DPP10: variants seen among roughly 807,000 people sequenced by gnomAD.
The protein encoded by DPP10 is dipeptidyl peptidase like 10.
In DPP10, 33 loss-of-function variants were observed where a neutral mutation model predicts 120.9. The observed-to-expected ratio is 0.27, with a 90% CI of 0.21 to 0.37. The LOEUF is 0.37. DPP10 is among the 10% of genes least tolerant of loss of function. The probability of loss-of-function intolerance (pLI) is 1.00; values close to 1 mark genes in which losing one functional copy is unlikely to be tolerated. For synonymous variants in DPP10, 337 were observed against 326.1 expected (o/e 1.03, Z -0.36); for missense variants, 816 against 942.8 (o/e 0.87, Z 1.76).
At chr2:115,040,236 A>C (rs1182310361) in intron 1 of DPP10, among the ~76,000 whole-genome samples, 1 of 151,896 alleles carries the variant, frequency 6.6e-6, no homozygotes, top group Non-Finnish European at 1.5e-5. Context: ...CCATATCACC[A>C]GGTGATCACA....
chr2:114,536,598 G>A (rs1558857537), intron 1 of DPP10, among the ~76,000 whole-genome samples: 6 of 151,748 alleles, frequency 4.0e-5, no homozygotes, highest in Admixed American at 3.3e-4. Context: ...GTAGAGACAG[G>A]TTTTCACCGT....
At chr2:114,468,182 G>A (rs1417061302) in intron 1 of DPP10, among the ~76,000 whole-genome samples, 1 of 152,024 alleles carries the variant, frequency 6.6e-6, no homozygotes, top group African/African-American at 2.4e-5. Context: ...AAAACTAAGA[G>A]GTTCAGTTAC....
intron 1 of DPP10, among the ~76,000 whole-genome samples, chr2:115,063,752 A>C (rs897733341): frequency 1.3e-5 from 2 of 152,202 alleles, no homozygotes; most frequent in Non-Finnish European, 2.9e-5. Flanking sequence ...CTTACACCTT[A>C]TACAAAAATT....
chr2:115,420,141 T>A (rs1363999392), intron 3 of DPP10, among the ~76,000 whole-genome samples: 1 of 152,194 alleles, frequency 6.6e-6, no homozygotes, highest in Non-Finnish European at 1.5e-5. Flanking sequence ...CCTGTCCTGC[T>A]GATCATGCAT....
At chr2:115,245,904 T>C (rs935796490) in intron 1 of DPP10, among the ~76,000 whole-genome samples, 1 of 152,140 alleles carries the variant, frequency 6.6e-6, no homozygotes, top group African/African-American at 2.4e-5. Flanking sequence ...CCAAAAAATA[T>C]ATTATTTCAG....
At chr2:115,749,089 T>C (rs1357545875) in intron 10 of DPP10, among the ~76,000 whole-genome samples, 1 of 152,212 alleles carries the variant, frequency 6.6e-6, no homozygotes, top group Non-Finnish European at 1.5e-5. Context: ...GGGAGTTGGA[T>C]GGGTTATCTC....
At chr2:115,319,565 C>A (rs2061959649) in intron 2 of DPP10, among the ~76,000 whole-genome samples, 1 of 152,104 alleles carries the variant, frequency 6.6e-6, no homozygotes, top group Non-Finnish European at 1.5e-5. Flanking sequence ...GTAACTTACT[C>A]ATTATAGGTC....
intron 1 of DPP10, among the ~76,000 whole-genome samples, chr2:115,237,303 A>G (rs776929740): frequency 3.3e-5 from 5 of 152,094 alleles, no homozygotes; most frequent in African/African-American, 4.8e-5. Context: ...TTACTCTCAT[A>G]ATTCTTTTGG....
At chr2:115,508,188 A>C (rs1044297462) in intron 4 of DPP10, among the ~76,000 whole-genome samples, 1 of 152,174 alleles carries the variant, frequency 6.6e-6, no homozygotes, top group Non-Finnish European at 1.5e-5. Flanking sequence ...AAATTAACAA[A>C]TTTATAATAA....
chr2:115,401,410 C>T (rs2068063115), intron 3 of DPP10, among the ~76,000 whole-genome samples: 1 of 151,996 alleles, frequency 6.6e-6, no homozygotes, highest in Non-Finnish European at 1.5e-5. Flanking sequence ...AGAAGTCTTT[C>T]CCTGCAAAAA....
intron 1 of DPP10, among the ~76,000 whole-genome samples, chr2:114,676,118 T>C (rs1231220918): frequency 2.0e-5 from 3 of 152,118 alleles, no homozygotes; most frequent in African/African-American, 7.2e-5. Context: ...AGAATGCTTA[T>C]TAACTGTATC....
At chr2:115,386,466 A>C (rs562948771) in intron 3 of DPP10, among the ~76,000 whole-genome samples, 1 of 151,522 alleles carries the variant, frequency 6.6e-6, no homozygotes, top group East Asian at 2.0e-4. Context: ...TAGCAAAACA[A>C]TCATTGTTGT....
At chr2:114,534,206 T>G (rs939615271) in intron 1 of DPP10, among the ~76,000 whole-genome samples, 1 of 152,180 alleles carries the variant, frequency 6.6e-6, no homozygotes, top group African/African-American at 2.4e-5. Flanking sequence ...CATTACCCTA[T>G]CCCTCTGAGA....
intron 21 of DPP10, among the ~76,000 whole-genome samples, chr2:115,825,331 A>C (rs1299005150): frequency 1.3e-5 from 2 of 152,112 alleles, no homozygotes. Flanking sequence ...CCATTCACTC[A>C]ATCTCTCCCA....
intron 1 of DPP10, among the ~76,000 whole-genome samples, chr2:114,825,994 A>G (rs2106375317): frequency 6.6e-6 from 1 of 152,336 alleles, no homozygotes; most frequent in Non-Finnish European, 1.5e-5. Context: ...AGAGTGGGGT[A>G]TAAACCACAT....
chr2:115,189,078 G>A (rs201522359), intron 1 of DPP10, among the ~76,000 whole-genome samples: 1 of 151,788 alleles, frequency 6.6e-6, no homozygotes, highest in Non-Finnish European at 1.5e-5. Flanking sequence ...GTTATAAATA[G>A]CACTCGAACA....
intron 5 of DPP10, among the ~76,000 whole-genome samples, chr2:115,548,894 C>T (rs2079688625): frequency 6.6e-6 from 1 of 152,122 alleles, no homozygotes; most frequent in African/African-American, 2.4e-5. Context: ...TCTTCTCTCA[C>T]CAAAATGTAA....
At chr2:114,475,223 A>G (rs1558791773) in intron 1 of DPP10, among the ~76,000 whole-genome samples, 1 of 152,130 alleles carries the variant, frequency 6.6e-6, no homozygotes, top group Non-Finnish European at 1.5e-5. Flanking sequence ...ACTTACCATG[A>G]TATCCTTCAG....
intron 1 of DPP10, among the ~76,000 whole-genome samples, chr2:114,785,099 G>A (rs899505698): frequency 6.6e-6 from 1 of 152,190 alleles, no homozygotes; most frequent in Non-Finnish European, 1.5e-5. Flanking sequence ...TCACCGGATG[G>A]TTGAAGGATG....
Sources: allele counts gnomAD v4.1 joint callset (sites outside exome capture counted in the v4.1 genomes callset), GRCh38; gene constraint gnomAD v4.1.1; transcripts MANE v1.5; gene names NCBI Gene and HGNC (gene_info 2026-07-23, HGNC 2026-07-21).